The following NDUFA13 variants were observed in gnomAD, a reference collection of about 807,000 sequenced individuals.
NDUFA13 encodes the protein NADH:ubiquinone oxidoreductase subunit A13.
A neutral mutation model predicts 17.0 loss-of-function variants in NDUFA13; 16 were observed. That is an observed-to-expected ratio of 0.94 (90% CI 0.64 to 1.43). The LOEUF (loss-of-function observed/expected upper bound fraction) is 1.43, where lower values mean the gene tolerates loss of function less well. NDUFA13 is among the 40% of genes most tolerant of loss of function. NDUFA13 has a pLI of 0.00. For synonymous variants in NDUFA13, 87 were observed against 78.4 expected, an observed-to-expected ratio of 1.11 and a Z score of -0.58; for missense variants, 228 against 206.7, an observed-to-expected ratio of 1.10 and a Z score of -0.63.
In NDUFA13 at chr19:19,516,269, C is replaced by A. The variant is rs551939848; in HGVS notation, c.31C>A (p.Pro11Thr). 1.3e-5 allele frequency: 21 copies of A among 1,613,960 alleles called. No individual in the cohort carries two copies. In the East Asian group the frequency reaches 2.9e-4, roughly 22 times the overall value. ...GGCGTCAAAGGTGAAGCAGGACATG[C>A]CTCCGCCGGGGGGCTATGGGCCCAT... MAASKVKQDM[P>T]PPGGYGPIDY... The change falls in exon 1 of 5, where the codon CCT (proline) becomes ACT (threonine). Residue 11 changes from proline to threonine, a missense_variant. By Grantham distance (38) the Pro-to-Thr change is conservative. Transcript: ENST00000507754.
At chr19:19,527,165 T>TTCCCCCCCCCCC in intron 2 of NDUFA13, 116 bp from the exon 3 acceptor site, 1 of 470,786 alleles carries the variant, frequency 2.1e-6, no homozygotes. Context: ...CCTGCCTGCC[T>TTCCCCCCCCCCC]CCCCGCCCCC....
chr19:19,527,850 A>G (rs774836723), intron 4 of NDUFA13, 80 bp downstream of exon 4: 15 of 1,501,730 alleles, frequency 1.0e-5, no homozygotes, highest in East Asian at 2.4e-5. Context: ...ACAGCTTTCT[A>G]TAGAAACCCC....
In NDUFA13 at chr19:19,527,270, G is replaced by C. The variant is rs749657199; in HGVS notation, c.174-11G>C. ...TGGTCTGACCTGAGTGTGGGTTTCG[G>C]GCTTTCACAGGCGCCTACAAATCGA... On this transcript the variant is annotated splice_polypyrimidine_tract_variant and intron_variant, in intron 2 of 4. Coordinates refer to ENST00000507754, the MANE Select transcript of NDUFA13 (RefSeq NM_015965.7). 2 of 1,613,958 alleles carry C rather than the reference G, an allele frequency of 1.2e-6. No individual in the cohort carries two copies. Among genetic ancestry groups the C allele is most frequent in the African/African-American group, 1.3e-5 (1 of 75,058 alleles).
rs577483506 is a variant in NDUFA13, at chr19:19,525,215, G to T, written c.95-967G>T. Among the ~76,000 whole-genome samples the T allele has an allele frequency of 2.6e-5, 4 of 152,352 alleles. 1 individual carries two copies. In the South Asian group the frequency reaches 8.3e-4, roughly 32 times the overall value. On this transcript the variant is annotated intron_variant, in intron 1 of 4. Transcript: ENST00000507754. Reference sequence around the variant, plus strand: ...TTACCTGTAGTATGGAAATGTCTTAGCCCTGACTTGGGCTTCTAACAGGTT... The same window carrying T: ...TTACCTGTAGTATGGAAATGTCTTATCCCTGACTTGGGCTTCTAACAGGTT...
In NDUFA13 at chr19:19,526,259, A is replaced by G; in HGVS notation, c.172A>G (p.Arg58Gly). Residue 58 changes from arginine (R) to glycine (G), a missense_variant and splice_region_variant, in exon 2 of 5, where the codon AGG (arginine) becomes GGG (glycine). Arg to Gly is a moderately radical substitution (Grantham distance 125). Transcript: ENST00000507754. ...WSIMKWNRERRRLQIEDFEAR... is the reference protein window; with the variant it reads ...WSIMKWNRERGRLQIEDFEAR... ...CATAATGAAGTGGAACCGTGAGCGC[A>G]GGTAGGGCCCCTGGTGGGCGTTGTC... 2.5e-6 allele frequency: 4 copies of G among 1,614,086 alleles called. No homozygotes were observed. The highest frequency in any genetic ancestry group is 3.4e-6 in the Non-Finnish European group (4 of 1,180,000).
chr19:19,522,068 G>T (rs935360586), intron 1 of NDUFA13, among the ~76,000 whole-genome samples: 1 of 152,108 alleles, frequency 6.6e-6, no homozygotes, highest in South Asian at 2.1e-4. Context: ...ACTTTGGGGG[G>T]CAGAGGCAGG....
intron 4 of NDUFA13, 111 bp downstream of exon 4, chr19:19,527,881 T>C: frequency 6.8e-7 from 1 of 1,473,318 alleles, no homozygotes; most frequent in Non-Finnish European, 9.3e-7. Flanking sequence ...GGGTGGTGGG[T>C]GCCAGGTCCC....
At chr19:19,519,228 A>G (rs2061065334) in intron 1 of NDUFA13, among the ~76,000 whole-genome samples, 1 of 151,630 alleles carries the variant, frequency 6.6e-6, no homozygotes, top group African/African-American at 2.4e-5. Context: ...GGGCTACCCC[A>G]CCCCTTCAGG....
At chr19:19,521,854 G>A (rs1339775420) in intron 1 of NDUFA13, among the ~76,000 whole-genome samples, 1 of 149,558 alleles carries the variant, frequency 6.7e-6, no homozygotes, top group Non-Finnish European at 1.5e-5. Flanking sequence ...CGCCCGCCTC[G>A]GCCTCCCAAA....
chr19:19,527,825 G>A, intron 4 of NDUFA13, 55 bp downstream of exon 4: 1 of 1,528,020 alleles, frequency 6.5e-7, no homozygotes, highest in Non-Finnish European at 8.9e-7. Context: ...CAGGGCCTGG[G>A]GTTGGGGAGC....
chr19:19,527,441 A>G, intron 3 of NDUFA13, 89 bp downstream of exon 3: 1 of 1,481,760 alleles, frequency 6.7e-7, no homozygotes, highest in Non-Finnish European at 9.4e-7. Context: ...GGTGGCCAGA[A>G]TGCACGTGGG....
At chr19:19,518,730 T>TG (rs2061062181) in intron 1 of NDUFA13, among the ~76,000 whole-genome samples, 3 of 75,710 alleles carry the variant, frequency 4.0e-5, no homozygotes, top group African/African-American at 2.0e-4. Flanking sequence ...TGCCCTGCGA[T>TG]TTTTTTTTTT....
Sources: gnomAD v4.1 joint callset for allele counts (sites outside exome capture counted in the v4.1 genomes callset) on GRCh38, gnomAD v4.1.1 for gene constraint, MANE v1.5 for transcripts, NCBI Gene and HGNC (gene_info 2026-07-23, HGNC 2026-07-21) for gene names.